COL13A1: variants seen among roughly 807,000 people sequenced by gnomAD.
COL13A1 encodes the protein collagen alpha-1(XIII) chain.
Under a neutral mutation model 130.9 loss-of-function variants are expected in COL13A1, and 89 were observed. The observed-to-expected ratio is 0.68, with a 90% CI of 0.57 to 0.81. COL13A1 has a LOEUF of 0.81. Among genes scored for constraint, COL13A1 ranks in the 30% least tolerant of loss-of-function variants. The pLI, the probability that COL13A1 is intolerant of heterozygous loss-of-function variation, is 0.00. For synonymous variants in COL13A1, 402 were observed against 341.6 expected, an observed-to-expected ratio of 1.18 and a Z score of -1.95; for missense variants, 879 against 934.6, an observed-to-expected ratio of 0.94 and a Z score of 0.78.
chr10:69,894,790 C>A, intron 12 of COL13A1, 89 bp downstream of exon 12: 2 of 1,554,676 alleles, frequency 1.3e-6, no homozygotes, highest in Non-Finnish European at 1.8e-6. Flanking sequence ...TATTTTCAAA[C>A]TTCAGTTTTA....
rs192281181 is a variant in COL13A1, at chr10:69,904,773, T to G, written c.859-160T>G. 2.6e-4 allele frequency among the ~76,000 whole-genome samples: 40 copies of G among 152,288 alleles called. No individual in the cohort carries two copies. In the East Asian group the frequency reaches 6.6e-3, roughly 25 times the overall value. Reference sequence around the variant, plus strand: ...TGCCCTCAGCAGGTTTCAGATCCCCTTCTAGGATCCACTAGAGCTGTTGGC... The same window carrying G: ...TGCCCTCAGCAGGTTTCAGATCCCCGTCTAGGATCCACTAGAGCTGTTGGC... On this transcript the variant is annotated intron_variant, in intron 15 of 40. Coordinates refer to ENST00000645393, the MANE Select transcript of COL13A1 (RefSeq NM_001368882.1).
At chr10:69,927,054 T>A in intron 26 of COL13A1, 33 bp from the exon 27 acceptor site, 2 of 1,613,698 alleles carry the variant, frequency 1.2e-6, no homozygotes, top group East Asian at 4.5e-5. Flanking sequence ...CTTGGTTTGC[T>A]CTTCAACTGA....
intron 17 of COL13A1, among the ~76,000 whole-genome samples, chr10:69,907,272 TCTC>T (rs2062857523): frequency 6.6e-6 from 1 of 152,210 alleles, no homozygotes; most frequent in African/African-American, 2.4e-5. Flanking sequence ...GTATGACTAT[TCTC>T]CTATTTAAAA....
chr10:69,852,133 G>C (rs180794146), intron 2 of COL13A1, among the ~76,000 whole-genome samples: 1 of 152,044 alleles, frequency 6.6e-6, no homozygotes, highest in Non-Finnish European at 1.5e-5. Context: ...TCTAGGTTTC[G>C]ACTCCAACAC....
intron 2 of COL13A1, among the ~76,000 whole-genome samples, chr10:69,829,523 C>T (rs951788241): frequency 5.3e-5 from 8 of 152,240 alleles, no homozygotes; most frequent in African/African-American, 4.8e-5. Context: ...CCAGACAGAA[C>T]GTTATGCTTT....
At chr10:69,940,841 C>A in intron 34 of COL13A1, 147 bp from the exon 35 acceptor site, 1 of 1,108,912 alleles carries the variant, frequency 9.0e-7, no homozygotes, top group Non-Finnish European at 1.3e-6. Flanking sequence ...TCCTCCCAAG[C>A]TTATTTCTCC....
At chr10:69,949,229 C>T (rs1267561134) in intron 38 of COL13A1, among the ~76,000 whole-genome samples, 1 of 152,220 alleles carries the variant, frequency 6.6e-6, no homozygotes, top group Non-Finnish European at 1.5e-5. Flanking sequence ...TGTCGCCAGG[C>T]TGGAGTGCAA....
At chr10:69,882,326 A>G (rs2060221173) in intron 7 of COL13A1, among the ~76,000 whole-genome samples, 1 of 152,178 alleles carries the variant, frequency 6.6e-6, no homozygotes, top group African/African-American at 2.4e-5. Context: ...GGCTACCAAA[A>G]AGTTATTGAA....
chr10:69,842,843 C>A (rs987016500), intron 2 of COL13A1, among the ~76,000 whole-genome samples: 3 of 152,214 alleles, frequency 2.0e-5, no homozygotes, highest in East Asian at 1.9e-4. Context: ...CTGGGTTCCG[C>A]TGTGTGAGGG....
intron 17 of COL13A1, among the ~76,000 whole-genome samples, chr10:69,915,219 G>T (rs548057597): frequency 1.3e-5 from 2 of 152,234 alleles, no homozygotes; most frequent in Admixed American, 6.5e-5. Context: ...AGAGAGGAAG[G>T]TTGTAAAGCT....
At chr10:69,818,441 A>G (rs902043775) in intron 1 of COL13A1, among the ~76,000 whole-genome samples, 1 of 152,246 alleles carries the variant, frequency 6.6e-6, no homozygotes, top group African/African-American at 2.4e-5. Flanking sequence ...CTGGGCACAC[A>G]AGGCCTGGTT....
At chr10:69,846,673 G>T (rs575919486) in intron 2 of COL13A1, among the ~76,000 whole-genome samples, 1 of 152,078 alleles carries the variant, frequency 6.6e-6, no homozygotes, top group Non-Finnish European at 1.5e-5. Context: ...CCAGCTAATC[G>T]TCTTAACCTT....
intron 2 of COL13A1, among the ~76,000 whole-genome samples, chr10:69,867,056 T>A (rs1460950989): frequency 6.6e-6 from 1 of 152,078 alleles, no homozygotes; most frequent in Non-Finnish European, 1.5e-5. Flanking sequence ...ATTCCTTTTT[T>A]CTCCCTCTCG....
intron 17 of COL13A1, among the ~76,000 whole-genome samples, chr10:69,909,928 A>T (rs563256585): frequency 6.6e-6 from 1 of 152,350 alleles, no homozygotes; most frequent in South Asian, 2.1e-4. Context: ...ACTTTGCCCA[A>T]GGTTGCACAG....
intron 13 of COL13A1, among the ~76,000 whole-genome samples, chr10:69,896,283 G>A (rs2061630133): frequency 6.6e-6 from 1 of 151,968 alleles, no homozygotes. Context: ...CTGTTGTCCT[G>A]TTAGGAATCT....
intron 2 of COL13A1, among the ~76,000 whole-genome samples, chr10:69,858,840 A>C (rs1423810244): frequency 6.6e-6 from 1 of 152,246 alleles, no homozygotes. Flanking sequence ...GTTAAGAAAG[A>C]AAGCTTTAGG....
intron 2 of COL13A1, 134 bp downstream of exon 2, chr10:69,822,572 T>C: frequency 1.6e-6 from 1 of 634,292 alleles, no homozygotes; most frequent in Non-Finnish European, 2.5e-6. Flanking sequence ...TGACAATATC[T>C]GTGGTTGCCT....
chr10:69,833,554 T>C (rs1213707301), intron 2 of COL13A1, among the ~76,000 whole-genome samples: 1 of 152,088 alleles, frequency 6.6e-6, no homozygotes, highest in Middle Eastern at 3.2e-3. Context: ...AGCATAGGCA[T>C]CTAGTTTGGG....
chr10:69,951,204 A>G (rs903203155), intron 38 of COL13A1, among the ~76,000 whole-genome samples: 11 of 152,084 alleles, frequency 7.2e-5, no homozygotes, highest in Admixed American at 3.3e-4. Flanking sequence ...GCAGCCTTCC[A>G]CTGCAGGAAC....
Sources: allele counts gnomAD v4.1 joint callset (sites outside exome capture counted in the v4.1 genomes callset), GRCh38; gene constraint gnomAD v4.1.1; transcripts MANE v1.5; gene names NCBI Gene and HGNC (gene_info 2026-07-23, HGNC 2026-07-21).